Variants in CDH13 observed in about 807,000 individuals in gnomAD.
CDH13 encodes the protein cadherin-13.
A neutral mutation model predicts 63.8 loss-of-function variants in CDH13; 24 were observed. That is an observed-to-expected ratio of 0.38 (90% CI 0.27 to 0.53). CDH13 has a LOEUF of 0.53. Ranked by LOEUF, CDH13 falls within the 20% of genes least tolerant of loss-of-function variation. The probability of loss-of-function intolerance (pLI) is 0.85; values close to 1 mark genes in which losing one functional copy is unlikely to be tolerated. For missense variants in CDH13, 1,049 were observed against 903.1 expected, an observed-to-expected ratio of 1.16 and a Z score of -2.07; for synonymous variants, 503 against 355.3, an observed-to-expected ratio of 1.42 and a Z score of -4.67.
At chr16:83,450,589 G>T (rs985445070) in intron 6 of CDH13, among the ~76,000 whole-genome samples, 2 of 152,180 alleles carry the variant, frequency 1.3e-5, no homozygotes, top group African/African-American at 4.8e-5. Context: ...TGATAAAGAG[G>T]GCCAGGGGCG....
intron 6 of CDH13, among the ~76,000 whole-genome samples, chr16:83,438,869 A>G (rs369519501): frequency 2.0e-5 from 3 of 152,248 alleles, no homozygotes; most frequent in African/African-American, 7.2e-5. Context: ...ATATTCACAG[A>G]GGGCTGAAAA....
intron 7 of CDH13, among the ~76,000 whole-genome samples, chr16:83,488,245 A>C (rs887661073): frequency 4.6e-5 from 7 of 152,222 alleles, no homozygotes; most frequent in Middle Eastern, 3.2e-3. Context: ...AGAAGGTTCT[A>C]CTGGGCAACA....
In CDH13 at chr16:83,002,818, C is replaced by T. The variant is rs140507289; in HGVS notation, c.158-29192C>T. Among the ~76,000 whole-genome samples, 257 of 152,172 alleles carry T rather than the reference C, an allele frequency of 1.7e-3. 1 individual carries two copies. The highest frequency in any genetic ancestry group is 5.9e-3 in the African/African-American group (246 of 41,516). On this transcript the variant is annotated intron_variant, in intron 2 of 13. Coordinates refer to ENST00000567109, the MANE Select transcript of CDH13 (RefSeq NM_001257.5). ...CAGAAGGGAATGAAACTGCAAAGGC[C>T]GTGACACTGGAGTGTGCCTAGTGTA...
At chr16:82,702,836 C>G (rs2031160688) in intron 1 of CDH13, among the ~76,000 whole-genome samples, 1 of 152,174 alleles carries the variant, frequency 6.6e-6, no homozygotes, top group African/African-American at 2.4e-5. Flanking sequence ...TCATCAGGCA[C>G]AGCTTAGTGT....
intron 2 of CDH13, among the ~76,000 whole-genome samples, chr16:83,007,572 G>A (rs1597396418): frequency 6.6e-6 from 1 of 152,160 alleles, no homozygotes; most frequent in South Asian, 2.1e-4. Context: ...GCTCATGCCT[G>A]TAACCCCAGC....
At chr16:82,925,049 A>G (rs976634804) in intron 2 of CDH13, among the ~76,000 whole-genome samples, 1 of 152,134 alleles carries the variant, frequency 6.6e-6, no homozygotes, top group Non-Finnish European at 1.5e-5. Context: ...TTTTTCTTCC[A>G]TTAATCATCT....
intron 5 of CDH13, among the ~76,000 whole-genome samples, chr16:83,277,736 C>A (rs1305175254): frequency 1.3e-5 from 2 of 152,028 alleles, no homozygotes; most frequent in Non-Finnish European, 2.9e-5. Flanking sequence ...GCCACTCTTT[C>A]TACTATATTT....
chr16:83,351,253 T>G (rs1421480501), intron 6 of CDH13, among the ~76,000 whole-genome samples: 2 of 151,968 alleles, frequency 1.3e-5, no homozygotes, highest in African/African-American at 4.8e-5. Context: ...CCTATGTGTT[T>G]CTGGAATATC....
At chr16:82,821,309 G>T (rs193195331) in intron 1 of CDH13, among the ~76,000 whole-genome samples, 1 of 152,312 alleles carries the variant, frequency 6.6e-6, no homozygotes, top group East Asian at 1.9e-4. Flanking sequence ...TTCTTTCCAA[G>T]AGGAAATTGT....
chr16:83,657,504 A>T (rs1417780962), intron 8 of CDH13, among the ~76,000 whole-genome samples: 1 of 152,182 alleles, frequency 6.6e-6, no homozygotes, highest in Non-Finnish European at 1.5e-5. Context: ...TATGCTCAGG[A>T]TGACAGCCAA....
At chr16:83,697,213 T>C (rs571108993) in intron 10 of CDH13, among the ~76,000 whole-genome samples, 13 of 152,292 alleles carry the variant, frequency 8.5e-5, no homozygotes, top group African/African-American at 3.1e-4. Context: ...AGGGAAAAAT[T>C]TGAGTTCACC....
At chr16:83,317,555 C>G (rs952547903) in intron 5 of CDH13, among the ~76,000 whole-genome samples, 1 of 152,170 alleles carries the variant, frequency 6.6e-6, no homozygotes, top group Admixed American at 6.5e-5. Context: ...GAATCCAGTA[C>G]TTTGGGAGGC....
In CDH13 at chr16:83,083,355, T is replaced by G. The variant is rs118189859; in HGVS notation, c.367-42030T>G. On this transcript the variant is annotated intron_variant, in intron 3 of 13. Transcript: ENST00000567109. The stretch of plus-strand genomic sequence containing the variant: ...CAGTATAAACAAGGCTGTGATGAAA[T>G]TTGAAAGGAAGACAATAAGGATAGG... Among the ~76,000 whole-genome samples, 962 of 152,224 alleles carry G rather than the reference T, an allele frequency of 6.3e-3. 11 individuals carry two copies. The highest frequency in any genetic ancestry group is 9.6e-3 in the Non-Finnish European group (656 of 68,020).
chr16:83,372,353 T>G (rs967988627), intron 6 of CDH13, among the ~76,000 whole-genome samples: 20 of 152,318 alleles, frequency 1.3e-4, no homozygotes, highest in African/African-American at 4.8e-4. Flanking sequence ...AGTTCTAACT[T>G]CATGTGTCAT....
intron 1 of CDH13, among the ~76,000 whole-genome samples, chr16:82,659,010 C>T (rs539498721): frequency 2.6e-5 from 4 of 152,192 alleles, no homozygotes; most frequent in Non-Finnish European, 4.4e-5. Context: ...CCCTCCTGGC[C>T]ATCATCCCAG....
At chr16:83,794,812 T>G (rs1904274527) in intron 13 of CDH13, among the ~76,000 whole-genome samples, 1 of 152,134 alleles carries the variant, frequency 6.6e-6, no homozygotes, top group African/African-American at 2.4e-5. Context: ...AAGTCACCAT[T>G]AGCATTTTCA....
chr16:83,007,691 G>A (rs1480413919), intron 2 of CDH13, among the ~76,000 whole-genome samples: 1 of 152,018 alleles, frequency 6.6e-6, no homozygotes, highest in African/African-American at 2.4e-5. Flanking sequence ...GGGCAGGGTG[G>A]CTTGTGCCTG....
chr16:83,752,057 A>G (rs1170323645), intron 11 of CDH13, among the ~76,000 whole-genome samples: 2 of 152,262 alleles, frequency 1.3e-5, no homozygotes, highest in Admixed American at 6.5e-5. Flanking sequence ...AAATAAGCCA[A>G]GATTGTTTAA....
chr16:83,772,014 T>C (rs1200003591), intron 11 of CDH13, among the ~76,000 whole-genome samples: 2 of 152,164 alleles, frequency 1.3e-5, no homozygotes, highest in African/African-American at 4.8e-5. Context: ...CCTGGTATTT[T>C]CCCCATGATA....
Sources: gnomAD v4.1 joint callset for allele counts (sites outside exome capture counted in the v4.1 genomes callset) on GRCh38, gnomAD v4.1.1 for gene constraint, MANE v1.5 for transcripts, NCBI Gene and HGNC (gene_info 2026-07-23, HGNC 2026-07-21) for gene names.